Variants in ZFYVE28 observed in about 807,000 individuals in gnomAD.
ZFYVE28 encodes lateral signaling target protein 2 homolog.
In ZFYVE28, 40 loss-of-function variants were observed where a neutral mutation model predicts 82.1. The ratio of observed to expected loss-of-function variants is 0.49; its 90% CI spans 0.38 to 0.63. The LOEUF (loss-of-function observed/expected upper bound fraction) is 0.63. Among genes scored for constraint, ZFYVE28 ranks in the 30% least tolerant of loss-of-function variants. The probability of loss-of-function intolerance (pLI) is 0.00; values close to 1 mark genes in which losing one functional copy is unlikely to be tolerated. For missense variants in ZFYVE28, 1,321 were observed against 1,242.1 expected, an observed-to-expected ratio of 1.06 and a Z score of -0.96; for synonymous variants, 612 against 546.1, an observed-to-expected ratio of 1.12 and a Z score of -1.68.
chr4:2,307,197 T>G (rs1246767526), intron 7 of ZFYVE28: 1 of 152,252 alleles, frequency 6.6e-6, no homozygotes, highest in Non-Finnish European at 1.5e-5. Flanking sequence ...CCCTTAGATT[T>G]TCTCTATGTA....
At chr4:2,342,062 C>G (rs1166289588) in intron 2 of ZFYVE28, among the ~76,000 whole-genome samples, 1 of 152,216 alleles carries the variant, frequency 6.6e-6, no homozygotes, top group African/African-American at 2.4e-5. Flanking sequence ...TGGGGACCTG[C>G]AAAGCCCTCG....
intron 11 of ZFYVE28, 95 bp downstream of exon 11, chr4:2,271,580 G>T: frequency 1.4e-6 from 2 of 1,460,558 alleles, no homozygotes; most frequent in South Asian, 1.2e-5. Context: ...GGACAGGGTG[G>T]CCTGCAGCCC....
In ZFYVE28 at chr4:2,304,396, C is replaced by T; in HGVS notation, c.1944G>A (p.Gly648=). The T allele has an allele frequency of 6.2e-7, 1 of 1,613,108 alleles. No individual in the cohort carries two copies. Among genetic ancestry groups the T allele is most frequent in the South Asian group, 1.1e-5 (1 of 91,086 alleles). The part of the protein sequence containing the change: ...TSGSQVDTAS[G]LQGEAGVAGQ... ...CTGCAACCCCAGCCTCTCCTTGCAG[C>T]CCACTCGCTGTGTCCACCTGGGAAC... is the stretch of plus-strand genomic sequence containing the variant. The change falls in exon 8 of 13, where the codon GGG becomes GGA. Residue 648 remains glycine (G), a synonymous_variant. Coordinates refer to ENST00000290974, the MANE Select transcript of ZFYVE28 (RefSeq NM_020972.3).
In ZFYVE28 at chr4:2,418,253, G is replaced by T; in HGVS notation, c.39+32C>A. On this transcript the variant is annotated intron_variant, in intron 1 of 12. Coordinates refer to ENST00000290974, the MANE Select transcript of ZFYVE28 (RefSeq NM_020972.3). The surrounding 1 kb of genome is among the most constrained non-coding windows in gnomAD (Gnocchi z 4.6). ...CTGGGGAAGGGAGAGGCCGCGACGCGGGGGGCGTCCGGCCCGAGCGGGGCC... is the reference window on the plus strand; with the variant it reads ...CTGGGGAAGGGAGAGGCCGCGACGCTGGGGGCGTCCGGCCCGAGCGGGGCC... The T allele has an allele frequency of 6.5e-7, 1 of 1,532,316 alleles. No individual in the cohort carries two copies. Among genetic ancestry groups the T allele is most frequent in the Non-Finnish European group, 8.8e-7 (1 of 1,138,718 alleles). 94.9% of individuals were successfully genotyped at this position (1,532,316 alleles called of 1,614,324 possible). A position where few individuals can be genotyped will look rare whatever the true frequency, so the allele number is the denominator to read the frequency against.
Position 2,335,622 on chromosome 4 carries a change from C to A in ZFYVE28, c.701+83G>T. On this transcript the variant is annotated intron_variant, in intron 6 of 12. Transcript: ENST00000290974. This position sits in a 1 kb window ranked among gnomAD's most constrained non-coding sequence, Gnocchi z 5.8. The stretch of plus-strand genomic sequence containing the variant: ...ACCGTGAGGTGGAGACGCCATGGAC[C>A]GGCACCCGCACGGGACCTGGCACCA... 1 of 1,341,196 alleles carries A rather than the reference C, an allele frequency of 7.5e-7. No homozygotes were observed. Among genetic ancestry groups the A allele is most frequent in the Non-Finnish European group, 1.0e-6 (1 of 964,196 alleles). 83.1% of individuals were successfully genotyped at this position (1,341,196 alleles called of 1,614,324 possible). A position where few individuals can be genotyped will look rare whatever the true frequency, so the allele number is the denominator to read the frequency against.
intron 8 of ZFYVE28, among the ~76,000 whole-genome samples, chr4:2,294,765 C>T (rs1458548020): frequency 6.6e-6 from 1 of 152,074 alleles, no homozygotes; most frequent in East Asian, 1.9e-4. Context: ...GTGAAAGAAA[C>T]AGCAAAAGAT....
At chr4:2,273,826 G>A (rs57150590) in intron 9 of ZFYVE28, among the ~76,000 whole-genome samples, 7,246 of 151,708 alleles carry the variant, frequency 0.048, 421 homozygotes, top group East Asian at 0.17. Context: ...TGCCCCCGCC[G>A]CCACTCCCTG....
At chr4:2,334,920 C>T (rs928450220) in intron 6 of ZFYVE28, among the ~76,000 whole-genome samples, 1 of 144,228 alleles carries the variant, frequency 6.9e-6, no homozygotes, top group African/African-American at 2.5e-5. Context: ...CCTCCGCCCC[C>T]GTGACCATCC....
rs778886308 is a variant in ZFYVE28 at position 2,305,419 on chromosome 4, C to T, written c.921G>A (p.Ala307=). The T allele has an allele frequency of 1.7e-5, 28 of 1,612,616 alleles. No individual in the cohort carries two copies. The Middle Eastern group carries it at 6.6e-4, about 38-fold the overall frequency. The change falls in exon 8 of 13, where the codon GCG becomes GCA. Residue 307 remains alanine (A), a synonymous_variant. Transcript: ENST00000290974. ...RADVQGPAAL[A]PALSAPLPPE... The stretch of plus-strand genomic sequence containing the variant: ...GGGGGAGAGGGGCAGAGAGGGCAGG[C>T]GCCAGGGCAGCGGGTCCCTGCACGT...
At position 2,341,634 on chromosome 4, in the gene ZFYVE28, G is replaced by T; in HGVS notation, c.181-19C>A. ...CATTGTCCTGAAACAGAAGACAGGA[G>T]AAAGTGCGCCAATCGCTGTGTCCAG... On this transcript the variant is annotated intron_variant, in intron 2 of 12. Transcript: ENST00000290974. This position sits in a 1 kb window ranked among gnomAD's most constrained non-coding sequence, Gnocchi z 4.5. 1 of 1,596,442 alleles carries T rather than the reference G, an allele frequency of 6.3e-7. No homozygotes were observed. Among genetic ancestry groups the T allele is most frequent in the Middle Eastern group, 1.7e-4 (1 of 6,018 alleles).
chr4:2,271,191 A>G (rs1464246281), intron 12 of ZFYVE28, 120 bp downstream of exon 12: 4 of 1,054,170 alleles, frequency 3.8e-6, no homozygotes, highest in African/African-American at 1.6e-5. Context: ...GGGCCTCTGC[A>G]CAAGACCCCA....
intron 8 of ZFYVE28, 24 bp from the exon 9 acceptor site, chr4:2,274,240 T>C: frequency 6.2e-7 from 1 of 1,605,570 alleles, no homozygotes; most frequent in Non-Finnish European, 8.5e-7. Flanking sequence ...GAGATACCGG[T>C]GTGTGGGGTG....
intron 1 of ZFYVE28, among the ~76,000 whole-genome samples, chr4:2,377,256 T>C (rs963135666): frequency 2.6e-5 from 4 of 152,036 alleles, no homozygotes; most frequent in South Asian, 2.1e-4. Context: ...CTCCTGACCT[T>C]GTGATCCGCC....
chr4:2,344,384 A>G (rs1723217612), intron 2 of ZFYVE28, among the ~76,000 whole-genome samples: 1 of 152,246 alleles, frequency 6.6e-6, no homozygotes, highest in Non-Finnish European at 1.5e-5. Context: ...CAAAGTATTG[A>G]GTAGAGTACC....
chr4:2,291,543 C>A (rs537387462), intron 8 of ZFYVE28, among the ~76,000 whole-genome samples: 1 of 152,196 alleles, frequency 6.6e-6, no homozygotes. Flanking sequence ...GGAGTAGGGC[C>A]GGAAGTGGCC....
intron 1 of ZFYVE28, among the ~76,000 whole-genome samples, chr4:2,366,648 G>C (rs973672335): frequency 6.6e-6 from 1 of 152,200 alleles, no homozygotes; most frequent in Non-Finnish European, 1.5e-5. Context: ...AGAGTTCCAC[G>C]CAGCTAGAGG....
intron 1 of ZFYVE28, among the ~76,000 whole-genome samples, chr4:2,384,595 G>A (rs1471700793): frequency 6.6e-6 from 1 of 152,168 alleles, no homozygotes; most frequent in Non-Finnish European, 1.5e-5. Flanking sequence ...GCTGGATGGG[G>A]TGGGGGAGCA....
At chr4:2,275,249 G>A (rs1736307875) in intron 8 of ZFYVE28, among the ~76,000 whole-genome samples, 1 of 152,156 alleles carries the variant, frequency 6.6e-6, no homozygotes, top group Non-Finnish European at 1.5e-5. Context: ...GCTACTCAGG[G>A]GTTCCACGGT....
At chr4:2,370,706 C>T (rs1371470864) in intron 1 of ZFYVE28, among the ~76,000 whole-genome samples, 6 of 152,212 alleles carry the variant, frequency 3.9e-5, no homozygotes, top group Non-Finnish European at 8.8e-5. Flanking sequence ...CTGCCACCCC[C>T]ACCTCTCGGC....
Sources: gnomAD v4.1 joint callset for allele counts (sites outside exome capture counted in the v4.1 genomes callset) on GRCh38, gnomAD v4.1.1 for gene constraint, Gnocchi (gnomAD v3.1) non-coding constraint, MANE v1.5 for transcripts, NCBI Gene and HGNC (gene_info 2026-07-23, HGNC 2026-07-21) for gene names.